PTPRD: variants seen among roughly 807,000 people sequenced by gnomAD.
The protein encoded by PTPRD is protein tyrosine phosphatase receptor type D, also known as receptor-type tyrosine-protein phosphatase delta.
Under a neutral mutation model 214.5 loss-of-function variants are expected in PTPRD, and 34 were observed. The observed-to-expected ratio is 0.16, with a 90% CI of 0.12 to 0.21. The LOEUF (loss-of-function observed/expected upper bound fraction) is 0.21. Ranked by LOEUF, PTPRD falls within the 10% of genes least tolerant of loss-of-function variation. The pLI is 1.00. For missense variants in PTPRD, 2,545 were observed against 2,398.7 expected (o/e 1.06, Z -1.27); for synonymous variants, 1,128 against 845.7 (o/e 1.33, Z -5.79).
intron 2 of PTPRD, among the ~76,000 whole-genome samples, chr9:10,563,000 C>T (rs2064458233): frequency 6.6e-6 from 1 of 152,086 alleles, no homozygotes; most frequent in African/African-American, 2.4e-5. Context: ...AATGATGAGA[C>T]ATTAAGGCCT....
chr9:9,362,100 T>C (rs1297451593), intron 9 of PTPRD, among the ~76,000 whole-genome samples: 1 of 151,160 alleles, frequency 6.6e-6, no homozygotes, highest in African/African-American at 2.4e-5. Context: ...TATAATATTG[T>C]TAATTCCCAC....
rs747414574 is a variant in PTPRD at position 8,341,919 on chromosome 9, T to G, written c.4721A>C (p.Lys1574Thr). Residue 1574 changes from lysine to threonine, a missense_variant, in exon 40 of 46, where the codon AAG becomes ACG. Coordinates refer to ENST00000381196, the MANE Select transcript of PTPRD (RefSeq NM_002839.4). ...ATAAATATCTACAGTTTTTTCATGC[T>G]TTATTCTTTCTAACATGGCATCTAT... ...IVIDAMLERI[K>T]HEKTVDIYGH... 6.2e-7 allele frequency: 1 copy of G among 1,613,260 alleles called. No individual in the cohort carries two copies. Among genetic ancestry groups the G allele is most frequent in the Admixed American group, 1.7e-5 (1 of 59,870 alleles).
intron 7 of PTPRD, among the ~76,000 whole-genome samples, chr9:9,694,940 T>C (rs546782556): frequency 3.3e-4 from 51 of 152,246 alleles, no homozygotes; most frequent in African/African-American, 1.2e-3. Flanking sequence ...AAGAGCCTGC[T>C]TGTTGCTCTA....
chr9:9,329,800 G>T (rs2041619016), intron 9 of PTPRD, among the ~76,000 whole-genome samples: 1 of 152,132 alleles, frequency 6.6e-6, no homozygotes, highest in Admixed American at 6.6e-5. Flanking sequence ...TTGCATTAAT[G>T]CAAATGGGTT....
Position 8,482,592 on chromosome 9 carries a change from T to A in PTPRD, c.3413+1527A>T, listed in dbSNP as rs554284383. On this transcript the variant is annotated intron_variant, in intron 30 of 45. Coordinates refer to ENST00000381196, the MANE Select transcript of PTPRD (RefSeq NM_002839.4). The stretch of plus-strand genomic sequence containing the variant: ...TTCTTATTCCAAACAGGTAGCACAA[T>A]AGATGCTCAACAAATATTTCCTAAA... 8.5e-5 allele frequency among the ~76,000 whole-genome samples: 13 copies of A among 152,308 alleles called. No homozygotes were observed. In the East Asian group the frequency reaches 2.3e-3, roughly 27 times the overall value.
intron 2 of PTPRD, among the ~76,000 whole-genome samples, chr9:10,352,060 A>G (rs1439315204): frequency 6.6e-6 from 1 of 152,046 alleles, no homozygotes; most frequent in Non-Finnish European, 1.5e-5. Context: ...AACTGAATAA[A>G]GTGGCTTCTT....
At chr9:10,089,079 C>G (rs1340432515) in intron 3 of PTPRD, among the ~76,000 whole-genome samples, 3 of 151,392 alleles carry the variant, frequency 2.0e-5, no homozygotes, top group Non-Finnish European at 4.4e-5. Flanking sequence ...CATCATGGTG[C>G]CCATGTAGTC....
At position 8,671,052 on chromosome 9, in the gene PTPRD, G is replaced by C. The variant is rs148710167; in HGVS notation, c.65-34208C>G. ...CTTCACTTAATACTGTGGCAATAGA[G>C]ACATTCTTGTATATTCCATTTCTAC... On this transcript the variant is annotated intron_variant, in intron 12 of 45. Transcript: ENST00000381196. Among the ~76,000 whole-genome samples, 5 of 152,292 alleles carry C rather than the reference G, an allele frequency of 3.3e-5. No homozygotes were observed. The East Asian group carries it at 7.7e-4, about 24-fold the overall frequency.
At chr9:10,346,106 C>T (rs568269093) in intron 2 of PTPRD, among the ~76,000 whole-genome samples, 10 of 152,192 alleles carry the variant, frequency 6.6e-5, no homozygotes, top group Admixed American at 1.3e-4. Context: ...ACAGTACAAG[C>T]AGTGATAGTA....
intron 11 of PTPRD, among the ~76,000 whole-genome samples, chr9:8,811,254 C>A (rs1356110182): frequency 1.3e-5 from 2 of 152,128 alleles, no homozygotes; most frequent in Admixed American, 6.5e-5. Context: ...CTTCCCAGTA[C>A]CAATCCTTTA....
intron 34 of PTPRD, among the ~76,000 whole-genome samples, chr9:8,445,297 A>C (rs1162820638): frequency 1.3e-5 from 2 of 152,140 alleles, no homozygotes; most frequent in Admixed American, 6.5e-5. Context: ...TTAAATGATT[A>C]GGTAGCTCAT....
intron 5 of PTPRD, among the ~76,000 whole-genome samples, chr9:9,899,716 A>C (rs1256253787): frequency 6.6e-6 from 1 of 152,116 alleles, no homozygotes; most frequent in Non-Finnish European, 1.5e-5. Flanking sequence ...CCAAAGGAAA[A>C]AAAAATCAGT....
intron 7 of PTPRD, among the ~76,000 whole-genome samples, chr9:9,603,975 C>T (rs1171959893): frequency 3.3e-5 from 5 of 151,940 alleles, no homozygotes; most frequent in Admixed American, 2.0e-4. Context: ...GCAAGAAATA[C>T]AACTCATTAA....
At chr9:10,067,155 T>A (rs751653545) in intron 3 of PTPRD, among the ~76,000 whole-genome samples, 36 of 151,998 alleles carry the variant, frequency 2.4e-4, no homozygotes, top group Non-Finnish European at 4.3e-4. Context: ...GTGAATCATA[T>A]AAAACAAAAT....
intron 12 of PTPRD, among the ~76,000 whole-genome samples, chr9:8,728,729 C>T (rs1028798935): frequency 7.9e-5 from 12 of 152,120 alleles, no homozygotes; most frequent in African/African-American, 2.9e-4. Flanking sequence ...CCTGTAATAC[C>T]AGCACTTTAG....
At chr9:9,676,769 A>G (rs931074316) in intron 7 of PTPRD, among the ~76,000 whole-genome samples, 11 of 152,136 alleles carry the variant, frequency 7.2e-5, no homozygotes, top group African/African-American at 2.7e-4. Flanking sequence ...CTATTTCTCC[A>G]CATCCTCTCC....
At chr9:9,815,849 A>C (rs1377531673) in intron 5 of PTPRD, among the ~76,000 whole-genome samples, 7 of 152,150 alleles carry the variant, frequency 4.6e-5, no homozygotes, top group Non-Finnish European at 8.8e-5. Context: ...TGTAGTTAGT[A>C]ACACTGTATT....
chr9:9,482,218 T>C (rs1485350888), intron 8 of PTPRD, among the ~76,000 whole-genome samples: 1 of 152,134 alleles, frequency 6.6e-6, no homozygotes, highest in East Asian at 1.9e-4. Context: ...AGATCTCCTC[T>C]TTATCATATA....
At chr9:9,053,537 T>C (rs528571107) in intron 10 of PTPRD, among the ~76,000 whole-genome samples, 2 of 152,060 alleles carry the variant, frequency 1.3e-5, no homozygotes, top group Non-Finnish European at 2.9e-5. Context: ...TATACAAAAT[T>C]AGCTTAGGAA....
Sources: gnomAD v4.1 joint callset for allele counts (sites outside exome capture counted in the v4.1 genomes callset) on GRCh38, gnomAD v4.1.1 for gene constraint, MANE v1.5 for transcripts, NCBI Gene and HGNC (gene_info 2026-07-23, HGNC 2026-07-21) for gene names.